ADPGK: variants seen among roughly 807,000 people sequenced by gnomAD.
ADPGK encodes the protein ADP dependent glucokinase.
A neutral mutation model predicts 42.4 loss-of-function variants in ADPGK; 26 were observed. That is an observed-to-expected ratio of 0.61 (90% confidence interval 0.45 to 0.85). ADPGK has a LOEUF of 0.85. Among genes scored for constraint, ADPGK ranks in the 40% least tolerant of loss-of-function variants. ADPGK has a pLI of 0.00. For missense variants in ADPGK, 571 were observed against 627.0 expected, an observed-to-expected ratio of 0.91 and a Z score of 0.95; for synonymous variants, 267 against 252.6, an observed-to-expected ratio of 1.06 and a Z score of -0.54.
intron 3 of ADPGK, among the ~76,000 whole-genome samples, chr15:72,761,317 CA>C (rs1466889345): frequency 6.6e-6 from 1 of 152,144 alleles, no homozygotes; most frequent in Non-Finnish European, 1.5e-5. Flanking sequence ...AGTTTTTATA[CA>C]GTATAAAAAA....
rs956703795 is a variant in ADPGK at position 72,752,565 on chromosome 15, G to C, written c.1270C>G (p.Arg424Gly). The C allele has an allele frequency of 6.2e-7, 1 of 1,614,178 alleles. No homozygotes were observed. The highest frequency in any genetic ancestry group is 1.3e-5 in the African/African-American group (1 of 75,046). ...TCTTGGGGTGCCCTCAGAGACACTC[G>C]GCTGGTGTCTATGGTTTCTGTGGCG... is the stretch of plus-strand genomic sequence containing the variant. The part of the protein sequence containing the change: ...ACATETIDTS[R>G]VSLRAPQEFM... The change falls in exon 7 of 7, where the codon CGA (arginine) becomes GGA (glycine). Residue 424 changes from arginine (R) to glycine (G), a missense_variant. Transcript: ENST00000456471.
chr15:72,760,101 T>A (rs540288928), intron 4 of ADPGK: 3 of 173,796 alleles, frequency 1.7e-5, no homozygotes, highest in Non-Finnish European at 3.7e-5. Flanking sequence ...AAACTTTATA[T>A]ATGTGTGTTT....
intron 3 of ADPGK, among the ~76,000 whole-genome samples, chr15:72,768,566 G>A (rs1462220468): frequency 6.6e-6 from 1 of 152,080 alleles, no homozygotes; most frequent in African/African-American, 2.4e-5. Flanking sequence ...TACTCGGGAG[G>A]CTGAGGCATG....
intron 6 of ADPGK, 103 bp downstream of exon 6, chr15:72,755,453 G>T: frequency 1.2e-6 from 1 of 808,686 alleles, no homozygotes; most frequent in Non-Finnish European, 2.0e-6. Flanking sequence ...CTACATGTCA[G>T]TGAGCCAGTC....
chr15:72,769,109 T>C (rs1420560887), intron 3 of ADPGK, among the ~76,000 whole-genome samples: 2 of 152,148 alleles, frequency 1.3e-5, no homozygotes, highest in African/African-American at 4.8e-5. Context: ...TGGGCATTGA[T>C]GTAAAAATTT....
At chr15:72,755,692 A>G (rs202161425) in intron 5 of ADPGK, 38 bp from the exon 6 acceptor site, 2 of 1,478,694 alleles carry the variant, frequency 1.4e-6, no homozygotes, top group Non-Finnish European at 1.9e-6. Flanking sequence ...CATTAGAAAT[A>G]GAAGGAAGTC....
chr15:72,752,735 C>A lies in ADPGK; in HGVS notation c.1100G>T (p.Gly367Val), dbSNP rs567654362. Reference protein sequence around the residue: ...DILFWILKEHGRSKSRASDLT... With the variant: ...DILFWILKEHVRSKSRASDLT... Reference sequence around the variant, plus strand: ...ATCCGAGGCTCTGCTTTTACTCCTCCCATGTTCTTTCAAGATCCAGAAGAG... The same window carrying A: ...ATCCGAGGCTCTGCTTTTACTCCTCACATGTTCTTTCAAGATCCAGAAGAG... Residue 367 changes from glycine (G) to valine (V), a missense_variant, in exon 7 of 7, where the codon GGG becomes GTG. Gly to Val is a moderately radical substitution (Grantham distance 109). This residue lies in a region of ADPGK where 434 missense variants were observed against 522.7 expected (regional missense o/e 0.83). Coordinates refer to ENST00000456471, the MANE Select transcript of ADPGK (RefSeq NM_001365225.1). 1 of 1,614,188 alleles carries A rather than the reference C, an allele frequency of 6.2e-7. No homozygotes were observed. Among genetic ancestry groups the A allele is most frequent in the African/African-American group, 1.3e-5 (1 of 75,032 alleles).
chr15:72,757,864 A>G, intron 4 of ADPGK: 1 of 500,992 alleles, frequency 2.0e-6, no homozygotes, highest in South Asian at 2.3e-5. Flanking sequence ...AAGGAGCCAC[A>G]CTGTATTGAA....
intron 3 of ADPGK, among the ~76,000 whole-genome samples, chr15:72,763,356 T>C (rs951146663): frequency 6.8e-6 from 1 of 146,392 alleles, no homozygotes; most frequent in Non-Finnish European, 1.5e-5. Context: ...TTAGTAGAGA[T>C]GGGGTTTCAC....
chr15:72,771,558 G>C (rs2066328955), intron 3 of ADPGK, among the ~76,000 whole-genome samples: 1 of 152,196 alleles, frequency 6.6e-6, no homozygotes, highest in African/African-American at 2.4e-5. Flanking sequence ...GCAAGGATTA[G>C]ATAATCTATG....
At chr15:72,771,500 C>G (rs1435731201) in intron 3 of ADPGK, among the ~76,000 whole-genome samples, 1 of 152,164 alleles carries the variant, frequency 6.6e-6, no homozygotes, top group Non-Finnish European at 1.5e-5. Context: ...TTTTCTCATG[C>G]AGAAAGGAAG....
At chr15:72,770,488 A>T (rs2066315483) in intron 3 of ADPGK, among the ~76,000 whole-genome samples, 1 of 152,116 alleles carries the variant, frequency 6.6e-6, no homozygotes. Flanking sequence ...GAAACCATGA[A>T]AACTCCTGGG....
chr15:72,781,103 A>G (rs553032587), intron 1 of ADPGK, among the ~76,000 whole-genome samples: 1 of 152,290 alleles, frequency 6.6e-6, no homozygotes, highest in Non-Finnish European at 1.5e-5. Flanking sequence ...TGAGATTCTG[A>G]TACAAGTACT....
At chr15:72,760,216 TA>T in intron 4 of ADPGK, 190 bp downstream of exon 4, 1 of 541,454 alleles carries the variant, frequency 1.8e-6, no homozygotes, top group Non-Finnish European at 2.9e-6. Flanking sequence ...TTCCATGTTA[TA>T]ATACTCAGTC....
chr15:72,777,694 A>G (rs934229225), intron 1 of ADPGK, among the ~76,000 whole-genome samples: 5 of 151,850 alleles, frequency 3.3e-5, no homozygotes, highest in African/African-American at 4.8e-5. Context: ...AAAACAAAAC[A>G]AAACAAAACT....
At chr15:72,770,539 T>C (rs937432517) in intron 3 of ADPGK, among the ~76,000 whole-genome samples, 2 of 152,232 alleles carry the variant, frequency 1.3e-5, no homozygotes, top group Non-Finnish European at 2.9e-5. Context: ...AAAGGGCTTA[T>C]GATCAATCTC....
At chr15:72,770,660 CT>C (rs936195874) in intron 3 of ADPGK, among the ~76,000 whole-genome samples, 1 of 152,110 alleles carries the variant, frequency 6.6e-6, no homozygotes, top group Non-Finnish European at 1.5e-5. Context: ...CTGCAAAAGT[CT>C]TTATTTTCTT....
At position 72,751,327 on chromosome 15, in the gene ADPGK, C is replaced by A. The variant is rs1411473203; in HGVS notation, c.*1014G>T. On this transcript the variant is annotated 3_prime_UTR_variant, in exon 7 of 7. Coordinates refer to ENST00000456471, the MANE Select transcript of ADPGK (RefSeq NM_001365225.1). ...AGAATGATTTTTATCTTATCTGGTT[C>A]CAGAGTGGTGATGGAGACAAAAATC... 6.6e-6 allele frequency: 1 copy of A among 152,522 alleles called. No individual in the cohort carries two copies. Among genetic ancestry groups the A allele is most frequent in the African/African-American group, 2.4e-5 (1 of 41,400 alleles). 9.4% of individuals were successfully genotyped at this position (152,522 alleles called of 1,614,324 possible).
At chr15:72,781,852 G>A (rs966996963) in intron 1 of ADPGK, among the ~76,000 whole-genome samples, 1 of 152,188 alleles carries the variant, frequency 6.6e-6, no homozygotes, top group Non-Finnish European at 1.5e-5. Flanking sequence ...AAGTAGTTAA[G>A]GTTAAATAAG....
Sources: gnomAD v4.1 joint callset for allele counts (sites outside exome capture counted in the v4.1 genomes callset) on GRCh38, gnomAD v4.1.1 for gene constraint, gnomAD v4.1.1 regional missense constraint, MANE v1.5 for transcripts, NCBI Gene and HGNC (gene_info 2026-07-23, HGNC 2026-07-21) for gene names.